MVB12B: variants seen among roughly 807,000 people sequenced by gnomAD.
MVB12B encodes multivesicular body subunit 12B.
Under a neutral mutation model 41.6 loss-of-function variants are expected in MVB12B, and 16 were observed. The ratio of observed to expected loss-of-function variants is 0.38; its 90% CI spans 0.26 to 0.58. The LOEUF (loss-of-function observed/expected upper bound fraction) is 0.58, where lower values mean the gene tolerates loss of function less well. MVB12B is among the 20% of genes least tolerant of loss of function. The pLI is 0.62. For missense variants in MVB12B, 274 were observed against 380.2 expected (o/e 0.72, Z 2.32); for synonymous variants, 133 against 139.7 (o/e 0.95, Z 0.34).
chr9:126,392,263 T>G lies in MVB12B; in HGVS notation c.539+68T>G. 6.3e-7 allele frequency: 1 copy of G among 1,584,542 alleles called. No individual in the cohort carries two copies. Among genetic ancestry groups the G allele is most frequent in the Non-Finnish European group, 8.6e-7 (1 of 1,157,136 alleles). On this transcript the variant is annotated intron_variant, in intron 5 of 9. Coordinates refer to ENST00000361171, the MANE Select transcript of MVB12B (RefSeq NM_033446.3). The surrounding 1 kb of genome is among the most constrained non-coding windows in gnomAD (Gnocchi z 4.8). ...AGAGCACTCAGGCCACTCCAGGCAA[T>G]GAGGTCCAAGAGATTTCCATGCAGC...
chr9:126,500,879 TC>T (rs1833941429), intron 9 of MVB12B, among the ~76,000 whole-genome samples: 1 of 152,234 alleles, frequency 6.6e-6, no homozygotes, highest in African/African-American at 2.4e-5. Context: ...TCTCCGGTGA[TC>T]CCCACGCCCC....
At chr9:126,398,231 G>C (rs1442875241) in intron 6 of MVB12B, among the ~76,000 whole-genome samples, 2 of 151,872 alleles carry the variant, frequency 1.3e-5, no homozygotes, top group South Asian at 2.1e-4. Context: ...TCTCGAGCCC[G>C]TGTGGTGGTG....
In MVB12B at chr9:126,506,592, C is replaced by G. The variant is rs1178410097; in HGVS notation, c.*3329C>G. 6.6e-6 allele frequency: 1 copy of G among 152,356 alleles called. No homozygotes were observed. Among genetic ancestry groups the G allele is most frequent in the Non-Finnish European group, 1.5e-5 (1 of 68,126 alleles). 9.4% of individuals were successfully genotyped at this position (152,356 alleles called of 1,614,324 possible). The stretch of plus-strand genomic sequence containing the variant: ...GCAGGCATCTGTGGGGAATCCCAGC[C>G]TGCAGGTTCTTGGAGAAGCAGGTGA... On this transcript the variant is annotated 3_prime_UTR_variant, in exon 10 of 10. Coordinates refer to ENST00000361171, the MANE Select transcript of MVB12B (RefSeq NM_033446.3).
At position 126,381,067 on chromosome 9, in the gene MVB12B, G is replaced by A. The variant is rs199545552; in HGVS notation, c.208G>A (p.Ala70Thr). The change falls in exon 3 of 10, where the codon GCA (alanine) becomes ACA (threonine). Residue 70 changes from alanine to threonine, a missense_variant. Coordinates refer to ENST00000361171, the MANE Select transcript of MVB12B (RefSeq NM_033446.3). ...NRAPTGYDVV[A>T]QTADGVDADL... is the part of the protein sequence containing the mutation. ...TTTCTCTGTCTCTCCGGTGTAGGTT[G>A]CACAGACAGCAGATGGTGTGGATGC... The A allele has an allele frequency of 1.2e-6, 2 of 1,613,734 alleles. No homozygotes were observed. The highest frequency in any genetic ancestry group is 2.2e-5 in the East Asian group (1 of 44,864).
chr9:126,361,060 A>G (rs546637238), intron 2 of MVB12B, among the ~76,000 whole-genome samples: 4 of 152,264 alleles, frequency 2.6e-5, no homozygotes, highest in South Asian at 2.1e-4. Flanking sequence ...TACATTTAAC[A>G]TGATTATTGA....
chr9:126,326,962 G>A lies in MVB12B; in HGVS notation c.33G>A (p.Arg11=). The A allele has an allele frequency of 7.4e-6, 2 of 269,788 alleles. No homozygotes were observed. The highest frequency in any genetic ancestry group is 1.5e-5 in the Non-Finnish European group (2 of 133,216). The allele number at this position is 269,788 out of a possible 1,614,324, so 16.7% of individuals were successfully genotyped here. A position where few individuals can be genotyped will look rare whatever the true frequency, so the allele number is the denominator to read the frequency against. Residue 11 remains arginine, a synonymous_variant, in exon 1 of 10, where the codon CGG becomes CGA. Transcript: ENST00000361171. The part of the protein sequence containing the change: MRSCFCVRRS[R]DPPPPQPPPP... ...GCTGCTTCTGCGTGAGACGGAGCCG[G>A]GACCCGCCGCCGCCGCAGCCACCGC...
chr9:126,377,011 C>G (rs1042824375), intron 2 of MVB12B, among the ~76,000 whole-genome samples: 2 of 152,112 alleles, frequency 1.3e-5, no homozygotes, highest in Non-Finnish European at 1.5e-5. Context: ...CCCCCTCCCC[C>G]ACACTTGCTA....
At chr9:126,397,273 C>T (rs1033538389) in intron 6 of MVB12B, 1 of 985,342 alleles carries the variant, frequency 1.0e-6, no homozygotes, top group African/African-American at 1.7e-5. Flanking sequence ...AACACCAGTT[C>T]TCTCAGATAA....
intron 7 of MVB12B, among the ~76,000 whole-genome samples, chr9:126,442,932 T>A (rs1832676566): frequency 6.6e-6 from 1 of 152,108 alleles, no homozygotes; most frequent in Non-Finnish European, 1.5e-5. Context: ...CTATTTTGAG[T>A]TTAAAATGTG....
At position 126,370,507 on chromosome 9, in the gene MVB12B, G is replaced by A. The variant is rs1290889341; in HGVS notation, c.205-10557G>A. ...AGTGATTCTCCTGCCTCAGCCTCCC[G>A]AGTAGCTGGGATTGCAGGCGCCCAC... On this transcript the variant is annotated intron_variant, in intron 2 of 9. Transcript: ENST00000361171. 4.0e-5 allele frequency among the ~76,000 whole-genome samples: 6 copies of A among 151,120 alleles called. No homozygotes were observed. The South Asian group carries it at 6.4e-4, about 16-fold the overall frequency.
At position 126,333,342 on chromosome 9, in the gene MVB12B, CCCAAGGTGCTGGGATTACAGGCGTGAG is replaced by C. The variant is rs1459066493; in HGVS notation, c.81+6336_81+6362del. 6.6e-6 allele frequency among the ~76,000 whole-genome samples: 1 copy of C among 152,060 alleles called. No individual in the cohort carries two copies. Among genetic ancestry groups the C allele is most frequent in the Non-Finnish European group, 1.5e-5 (1 of 68,024 alleles). ...CCTTGTGATCTGTCCGCCTCGGACT[CCCAAGGTGCTGGGATTACAGGCGTGAG>C]CCACTGCGCCTGGCCATGACCCTGG... On this transcript the variant is annotated intron_variant, in intron 1 of 9. Transcript: ENST00000361171. This position sits in a 1 kb window ranked among gnomAD's most constrained non-coding sequence, Gnocchi z 4.7.
At chr9:126,377,366 A>G in intron 2 of MVB12B, among the ~76,000 whole-genome samples, 1 of 152,192 alleles carries the variant, frequency 6.6e-6, no homozygotes, top group Non-Finnish European at 1.5e-5. Flanking sequence ...AGACATATCG[A>G]GTTGTCTTGG....
At chr9:126,336,249 G>T (rs1372872776) in intron 1 of MVB12B, among the ~76,000 whole-genome samples, 1 of 152,218 alleles carries the variant, frequency 6.6e-6, no homozygotes, top group African/African-American at 2.4e-5. Flanking sequence ...GCTCAGGAGG[G>T]CCATGGAAAT....
In MVB12B at chr9:126,395,652, C is replaced by T; in HGVS notation, c.617C>T (p.Pro206Leu). ...RNHDSSQPTT[P>L]SQSSAASTPA... ...CATGACTCATCTCAACCCACAACGC[C>T]TTCCCAGTCATCAGCTGCCTCCACC... The change falls in exon 6 of 10, where the codon CCT becomes CTT. Residue 206 changes from proline to leucine, a missense_variant. By Grantham distance (98) the Pro-to-Leu change is moderately conservative (BLOSUM62 -3). Transcript: ENST00000361171. The surrounding 1 kb of genome is among the most constrained non-coding windows in gnomAD (Gnocchi z 4.9). The T allele has an allele frequency of 6.2e-7, 1 of 1,614,194 alleles. No homozygotes were observed. Among genetic ancestry groups the T allele is most frequent in the Non-Finnish European group, 8.5e-7 (1 of 1,180,040 alleles).
chr9:126,423,582 C>T (rs947475479), intron 7 of MVB12B, among the ~76,000 whole-genome samples: 6 of 152,252 alleles, frequency 3.9e-5, no homozygotes, highest in South Asian at 2.1e-4. Flanking sequence ...CTACAGCCCA[C>T]GGCAGCAGGC....
intron 6 of MVB12B, chr9:126,396,826 T>G: frequency 2.0e-6 from 2 of 985,458 alleles, no homozygotes; most frequent in Non-Finnish European, 2.4e-6. Context: ...CATAAAAAGA[T>G]AGGAATCTCT....
intron 6 of MVB12B, among the ~76,000 whole-genome samples, chr9:126,402,838 T>C (rs1831304205): frequency 6.6e-6 from 1 of 152,248 alleles, no homozygotes; most frequent in East Asian, 1.9e-4. Context: ...AGACAGAACA[T>C]ACATTTTCAT....
intron 7 of MVB12B, among the ~76,000 whole-genome samples, chr9:126,439,525 A>G (rs1361456009): frequency 6.6e-6 from 1 of 152,244 alleles, no homozygotes; most frequent in African/African-American, 2.4e-5. Context: ...GACATTTCAC[A>G]GTAAGCCTCG....
chr9:126,404,702 G>A (rs974903795), intron 6 of MVB12B, among the ~76,000 whole-genome samples: 5 of 152,216 alleles, frequency 3.3e-5, no homozygotes, highest in African/African-American at 1.2e-4. Flanking sequence ...CACTGTGGTC[G>A]CCGACTGAGG....
Sources: allele counts gnomAD v4.1 joint callset (sites outside exome capture counted in the v4.1 genomes callset), GRCh38; gene constraint gnomAD v4.1.1; non-coding constraint Gnocchi (gnomAD v3.1); transcripts MANE v1.5; gene names NCBI Gene and HGNC (gene_info 2026-07-23, HGNC 2026-07-21).